Variants in LOXHD1 observed in about 807,000 individuals in gnomAD.
LOXHD1 encodes the protein lipoxygenase homology domain-containing protein 1.
A neutral mutation model predicts 248.2 loss-of-function variants in LOXHD1; 205 were observed. That is an observed-to-expected ratio of 0.83 (90% CI 0.74 to 0.93). The LOEUF is 0.93. Among genes scored for constraint, LOXHD1 ranks in the 40% least tolerant of loss-of-function variants. The pLI is 0.00. For missense variants in LOXHD1, 2,930 were observed against 2,971.6 expected, an observed-to-expected ratio of 0.99 and a Z score of 0.33; for synonymous variants, 1,113 against 1,162.8, an observed-to-expected ratio of 0.96 and a Z score of 0.87.
chr18:46,478,023 G>C, intron 40 of LOXHD1, 71 bp from the exon 41 acceptor site: 1 of 1,488,296 alleles, frequency 6.7e-7, no homozygotes, highest in South Asian at 1.4e-5. Context: ...CCCTCCCCCA[G>C]ATCCCCTTGC....
intron 18 of LOXHD1, 65 bp downstream of exon 18, chr18:46,563,000 C>A: frequency 6.7e-7 from 1 of 1,493,560 alleles, no homozygotes; most frequent in Non-Finnish European, 9.0e-7. Context: ...ATTAGTACAC[C>A]CAGGGAAGCA....
chr18:46,622,120 C>G (rs2038676403), intron 4 of LOXHD1, among the ~76,000 whole-genome samples: 1 of 152,190 alleles, frequency 6.6e-6, no homozygotes, highest in Non-Finnish European at 1.5e-5. Flanking sequence ...AGGGCTTTTC[C>G]CAGGATACCC....
chr18:46,610,870 C>T lies in LOXHD1; in HGVS notation c.665G>A (p.Arg222Lys). Residue 222 changes from arginine to lysine, a missense_variant, in exon 6 of 41, where the codon AGG (arginine) becomes AAG (lysine). Physicochemically the swap from Arg to Lys is conservative, Grantham distance 26. Transcript: ENST00000642948. ...KDNFEKGAED[R>K]FILDAPDLGQ... is the part of the protein sequence containing the mutation. Reference sequence around the variant, plus strand: ...CAAATCCGGGGCATCCAGGATGAACCTGTCTTCAGCTCCCTTTTCAAAGTT... The same window carrying T: ...CAAATCCGGGGCATCCAGGATGAACTTGTCTTCAGCTCCCTTTTCAAAGTT... The T allele has an allele frequency of 6.4e-7, 1 of 1,551,838 alleles. No individual in the cohort carries two copies. Among genetic ancestry groups the T allele is most frequent in the Non-Finnish European group, 8.7e-7 (1 of 1,147,020 alleles).
intron 26 of LOXHD1, among the ~76,000 whole-genome samples, chr18:46,536,041 T>G (rs2036295684): frequency 6.6e-6 from 1 of 152,172 alleles, no homozygotes; most frequent in Non-Finnish European, 1.5e-5. Flanking sequence ...ACTTCTTGAG[T>G]CTAGATCCCA....
At chr18:46,559,625 T>G in intron 19 of LOXHD1, 23 bp from the exon 20 acceptor site, 1 of 1,550,082 alleles carries the variant, frequency 6.5e-7, no homozygotes, top group Non-Finnish European at 8.7e-7. Context: ...AAAGATGCAG[T>G]GTGGAGGGCC....
chr18:46,520,295 C>T (rs574208090), intron 33 of LOXHD1: 70 of 471,144 alleles, frequency 1.5e-4, no homozygotes, highest in African/African-American at 1.3e-3. Flanking sequence ...GATTTCTTCT[C>T]ACCTTTGTGG....
intron 29 of LOXHD1, among the ~76,000 whole-genome samples, chr18:46,526,338 A>G (rs1008855168): frequency 1.3e-5 from 2 of 152,192 alleles, no homozygotes; most frequent in African/African-American, 4.8e-5. Context: ...TATAGAGAAG[A>G]GTCACCTCCA....
chr18:46,527,219 T>C, intron 29 of LOXHD1, among the ~76,000 whole-genome samples: 1 of 152,072 alleles, frequency 6.6e-6, no homozygotes, highest in South Asian at 2.1e-4. Context: ...ATTTACTTAA[T>C]CCATATTTAT....
chr18:46,506,646 G>A (rs577411439), intron 36 of LOXHD1, among the ~76,000 whole-genome samples: 31 of 152,310 alleles, frequency 2.0e-4, no homozygotes, highest in African/African-American at 7.0e-4. Context: ...AGCAATAGGG[G>A]TAAAAGTTCC....
chr18:46,650,206 G>C (rs1431279426), intron 1 of LOXHD1, among the ~76,000 whole-genome samples: 1 of 152,110 alleles, frequency 6.6e-6, no homozygotes, highest in Admixed American at 6.6e-5. Context: ...TCCATTATGA[G>C]ATTTTCACTT....
intron 12 of LOXHD1, among the ~76,000 whole-genome samples, chr18:46,580,901 T>A (rs2037949190): frequency 6.6e-6 from 1 of 152,128 alleles, no homozygotes; most frequent in Admixed American, 6.5e-5. Flanking sequence ...AGAAGGCCAA[T>A]ATGGCTGGAG....
intron 21 of LOXHD1, among the ~76,000 whole-genome samples, chr18:46,548,233 T>C (rs2036932485): frequency 9.7e-6 from 1 of 103,594 alleles, no homozygotes; most frequent in South Asian, 3.6e-4. Flanking sequence ...GTTGGGGCCA[T>C]TCCACCCTCT....
Position 46,569,497 on chromosome 18 carries a change from T to G in LOXHD1, c.2189A>C (p.Tyr730Ser). Residue 730 changes from tyrosine to serine, a missense_variant, in exon 16 of 41, where the codon TAC becomes TCC. Coordinates refer to ENST00000642948, the MANE Select transcript of LOXHD1 (RefSeq NM_001384474.1). ...LLVSDNNLKD[Y>S]FERGRVDEFT... ...CTCATCCACCCGGCCACGTTCAAAG[T>G]AGTCTTTGAGGTTGTTGTCAGAGAC... 1 of 1,552,148 alleles carries G rather than the reference T, an allele frequency of 6.4e-7. No individual in the cohort carries two copies. Among genetic ancestry groups the G allele is most frequent in the Non-Finnish European group, 8.7e-7 (1 of 1,147,074 alleles).
rs2038616876 is a variant in LOXHD1 at position 46,618,224 on chromosome 18, A to G, written c.578T>C (p.Phe193Ser). 4 of 1,551,432 alleles carry G rather than the reference A, an allele frequency of 2.6e-6. No homozygotes were observed. The highest frequency in any genetic ancestry group is 3.5e-6 in the Non-Finnish European group (4 of 1,146,750). Reference sequence around the variant, plus strand: ...TCCATACTCTCCAAAAATATTGATGAAGACATCAGCATCTGTCCCTGCACC... The same window carrying G: ...TCCATACTCTCCAAAAATATTGATGGAGACATCAGCATCTGTCCCTGCACC... ...VIGAGTDADV[F>S]INIFGEYGDT... Residue 193 changes from phenylalanine to serine, a missense_variant, in exon 5 of 41, where the codon TTC becomes TCC. By Grantham distance (155) the Phe-to-Ser change is radical (BLOSUM62 -2). Coordinates refer to ENST00000642948, the MANE Select transcript of LOXHD1 (RefSeq NM_001384474.1).
At chr18:46,592,912 G>T (rs1416201447) in intron 10 of LOXHD1, among the ~76,000 whole-genome samples, 1 of 152,204 alleles carries the variant, frequency 6.6e-6, no homozygotes, top group African/African-American at 2.4e-5. Flanking sequence ...GGGCAGCCCT[G>T]CAAATTAGCA....
chr18:46,503,422 G>A (rs552401288), intron 37 of LOXHD1, among the ~76,000 whole-genome samples: 1 of 152,264 alleles, frequency 6.6e-6, no homozygotes, highest in East Asian at 1.9e-4. Context: ...GTGGCTCAAT[G>A]CTTTCACACT....
intron 2 of LOXHD1, 55 bp downstream of exon 2, chr18:46,649,100 C>T: frequency 6.9e-7 from 1 of 1,451,570 alleles, no homozygotes; most frequent in South Asian, 1.2e-5. Context: ...GGTCCCAGAA[C>T]CTAATCAACA....
intron 31 of LOXHD1, among the ~76,000 whole-genome samples, chr18:46,522,956 C>CT (rs1013550944): frequency 8.3e-5 from 12 of 143,838 alleles, no homozygotes; most frequent in African/African-American, 2.8e-4. Context: ...TTTTTTTTTT[C>CT]TTTTTTTTGA....
chr18:46,479,334 C>T (rs1313762784), intron 40 of LOXHD1, among the ~76,000 whole-genome samples: 1 of 150,500 alleles, frequency 6.6e-6, no homozygotes, highest in Non-Finnish European at 1.5e-5. Flanking sequence ...CAAGCAGAAG[C>T]AAGTCTAGAG....
Sources: allele counts gnomAD v4.1 joint callset (sites outside exome capture counted in the v4.1 genomes callset), GRCh38; gene constraint gnomAD v4.1.1; transcripts MANE v1.5; gene names NCBI Gene and HGNC (gene_info 2026-07-23, HGNC 2026-07-21).